INPP4A: variants seen among roughly 807,000 people sequenced by gnomAD.
The protein encoded by INPP4A is inositol polyphosphate-4-phosphatase, type I, 107kD.
A neutral mutation model predicts 119.8 loss-of-function variants in INPP4A; 33 were observed. The observed-to-expected ratio is 0.28, with a 90% CI of 0.21 to 0.37. The LOEUF (loss-of-function observed/expected upper bound fraction) is 0.37, where lower values mean the gene tolerates loss of function less well. INPP4A is among the 10% of genes least tolerant of loss of function. The pLI is 1.00. For synonymous variants in INPP4A, 496 were observed against 500.7 expected (o/e 0.99, Z 0.12); for missense variants, 956 against 1,289.9 (o/e 0.74, Z 3.97).
At chr2:98,455,319 C>CA (rs1401720285) in intron 1 of INPP4A, among the ~76,000 whole-genome samples, 1 of 151,858 alleles carries the variant, frequency 6.6e-6, no homozygotes, top group Non-Finnish European at 1.5e-5. Flanking sequence ...ACCTGGGTGA[C>CA]AGAGTGAGAC....
intron 13 of INPP4A, among the ~76,000 whole-genome samples, chr2:98,549,732 G>A (rs1299155899): frequency 1.3e-5 from 2 of 152,100 alleles, no homozygotes; most frequent in East Asian, 3.9e-4. Context: ...TCTGACAGGA[G>A]GAAGCACTGA....
rs576160244 is a variant in INPP4A, at chr2:98,489,276, C to T, written c.-165-29688C>T. On this transcript the variant is annotated intron_variant, in intron 1 of 24. Transcript: ENST00000409851. The stretch of plus-strand genomic sequence containing the variant: ...TCAGTGGATACCAGGAGTTCAGGGG[C>T]GGGTGACTGGGTAACTTGGAAATAC... Among the ~76,000 whole-genome samples, 48 of 151,866 alleles carry T rather than the reference C, an allele frequency of 3.2e-4. 1 individual carries two copies. The highest frequency in any genetic ancestry group is 2.1e-3 in the South Asian group (10 of 4,780).
chr2:98,550,658 T>G (rs966415283), intron 13 of INPP4A, among the ~76,000 whole-genome samples: 1 of 152,218 alleles, frequency 6.6e-6, no homozygotes, highest in African/African-American at 2.4e-5. Context: ...TTTTTAAAAC[T>G]AGGTAGTTGA....
At position 98,444,859 on chromosome 2, in the gene INPP4A, T is replaced by A. The variant is rs1374969211; in HGVS notation, c.-392T>A. ...GGCCAGGGCGGGGCTGCGCCCGGCG[T>A]CTAGAGCGGCGGCGGCTGGCTAGGG... On this transcript the variant is annotated 5_prime_UTR_variant, in exon 1 of 25. Coordinates refer to ENST00000409851, the MANE Select transcript of INPP4A (RefSeq NM_001134225.2). 1 of 151,218 alleles carries A rather than the reference T, an allele frequency of 6.6e-6. No homozygotes were observed. The highest frequency in any genetic ancestry group is 1.5e-5 in the Non-Finnish European group (1 of 67,978). The allele number at this position is 151,218 out of a possible 1,614,324, so 9.4% of individuals were successfully genotyped here.
chr2:98,471,570 G>A (rs1391035819), intron 1 of INPP4A, among the ~76,000 whole-genome samples: 1 of 152,194 alleles, frequency 6.6e-6, no homozygotes, highest in Non-Finnish European at 1.5e-5. Context: ...CTTCTCACAG[G>A]CTGCAGCCTC....
chr2:98,453,759 T>C (rs1317616209), intron 1 of INPP4A, among the ~76,000 whole-genome samples: 1 of 152,192 alleles, frequency 6.6e-6, no homozygotes, highest in Non-Finnish European at 1.5e-5. Flanking sequence ...CACAAAGTCC[T>C]GAGCCTGGTC....
chr2:98,478,725 T>C (rs545036330), intron 1 of INPP4A, among the ~76,000 whole-genome samples: 1 of 152,264 alleles, frequency 6.6e-6, no homozygotes, highest in East Asian at 1.9e-4. Context: ...AAGGGTGTGA[T>C]GGATTTCCGA....
At chr2:98,483,363 T>C (rs1363876488) in intron 1 of INPP4A, among the ~76,000 whole-genome samples, 1 of 152,232 alleles carries the variant, frequency 6.6e-6, no homozygotes, top group East Asian at 1.9e-4. Flanking sequence ...AGTTTCACTC[T>C]TGTGATGCTT....
chr2:98,451,996 A>G (rs138344599), intron 1 of INPP4A, among the ~76,000 whole-genome samples: 2 of 152,290 alleles, frequency 1.3e-5, no homozygotes, highest in African/African-American at 2.4e-5. Context: ...AGTTTCATCA[A>G]GGACCTCGAT....
Position 98,514,788 on chromosome 2 carries a change from A to G in INPP4A, c.-165-4176A>G, listed in dbSNP as rs139801115. On this transcript the variant is annotated intron_variant, in intron 1 of 24. Coordinates refer to ENST00000409851, the MANE Select transcript of INPP4A (RefSeq NM_001134225.2). The stretch of plus-strand genomic sequence containing the variant: ...TTAGTAATTATCCAGATGTGGTGGC[A>G]CACACGTGTGGTCCCAGCTACTCAG... Among the ~76,000 whole-genome samples the G allele has an allele frequency of 1.4e-4, 21 of 152,202 alleles. No individual in the cohort carries two copies. In the East Asian group the frequency reaches 2.3e-3, roughly 17 times the overall value.
chr2:98,557,191 T>C (rs1182114548), intron 16 of INPP4A, among the ~76,000 whole-genome samples: 1 of 152,228 alleles, frequency 6.6e-6, no homozygotes, highest in Non-Finnish European at 1.5e-5. Flanking sequence ...TTTATTCAGT[T>C]TTAAAGTTAG....
intron 24 of INPP4A, among the ~76,000 whole-genome samples, chr2:98,586,827 A>G (rs1700005786): frequency 6.9e-6 from 1 of 145,782 alleles, no homozygotes; most frequent in Non-Finnish European, 1.6e-5. Flanking sequence ...GCTGGCTGCT[A>G]CCAGAACTTG....
intron 1 of INPP4A, among the ~76,000 whole-genome samples, chr2:98,508,353 C>T (rs1302154922): frequency 1.3e-5 from 2 of 152,200 alleles, no homozygotes; most frequent in Admixed American, 6.5e-5. Context: ...CCTGCACTCC[C>T]GCCTCCACCA....
chr2:98,493,288 A>T (rs1334374008), intron 1 of INPP4A, among the ~76,000 whole-genome samples: 1 of 152,014 alleles, frequency 6.6e-6, no homozygotes, highest in Non-Finnish European at 1.5e-5. Flanking sequence ...ACTTCGAGGG[A>T]GATGTGGCTT....
intron 4 of INPP4A, among the ~76,000 whole-genome samples, chr2:98,530,677 A>G (rs560368967): frequency 2.2e-4 from 34 of 152,338 alleles, no homozygotes; most frequent in African/African-American, 7.9e-4. Flanking sequence ...CAATTCTTAA[A>G]ATATAGTGTT....
chr2:98,465,221 A>G (rs1263798262), intron 1 of INPP4A, among the ~76,000 whole-genome samples: 2 of 152,180 alleles, frequency 1.3e-5, no homozygotes, highest in African/African-American at 2.4e-5. Flanking sequence ...TGTTCCCTCC[A>G]GTAGCTTAGG....
chr2:98,514,716 G>A (rs775238303), intron 1 of INPP4A, among the ~76,000 whole-genome samples: 24 of 152,126 alleles, frequency 1.6e-4, no homozygotes, highest in Non-Finnish European at 3.2e-4. Flanking sequence ...AGGAGTTTGA[G>A]ACCAGCCTGG....
chr2:98,467,006 T>C (rs1558886685), intron 1 of INPP4A, among the ~76,000 whole-genome samples: 2 of 152,212 alleles, frequency 1.3e-5, no homozygotes, highest in African/African-American at 2.4e-5. Context: ...ACAATTCTGA[T>C]GGCTGGAAGG....
chr2:98,511,091 G>A (rs923253397), intron 1 of INPP4A, among the ~76,000 whole-genome samples: 5 of 151,006 alleles, frequency 3.3e-5, no homozygotes, highest in Non-Finnish European at 7.4e-5. Flanking sequence ...ATGGAGTCTC[G>A]CTTTGTTGCC....
Sources: allele counts gnomAD v4.1 joint callset (sites outside exome capture counted in the v4.1 genomes callset), GRCh38; gene constraint gnomAD v4.1.1; transcripts MANE v1.5; gene names NCBI Gene and HGNC (gene_info 2026-07-23, HGNC 2026-07-21).